Variants in AADAT observed in about 807,000 individuals in gnomAD.
The protein encoded by AADAT is kynurenine/alpha-aminoadipate aminotransferase, mitochondrial.
AADAT carries 25 observed loss-of-function variants against 56.2 expected under a neutral mutation model. That is an observed-to-expected ratio of 0.44 (90% CI 0.32 to 0.62). The LOEUF is 0.62. Among genes scored for constraint, AADAT ranks in the 20% least tolerant of loss-of-function variants. AADAT has a pLI of 0.04. For synonymous variants in AADAT, 173 were observed against 164.7 expected (o/e 1.05, Z -0.39); for missense variants, 387 against 510.5 (o/e 0.76, Z 2.33).
chr4:170,082,008 T>C (rs1449062108), intron 3 of AADAT, among the ~76,000 whole-genome samples: 1 of 152,118 alleles, frequency 6.6e-6, no homozygotes, highest in Non-Finnish European at 1.5e-5. Context: ...TTACGAGAAA[T>C]GCTAAAGGGA....
intron 2 of AADAT, among the ~76,000 whole-genome samples, chr4:170,087,971 A>G (rs1290908098): frequency 6.6e-6 from 1 of 150,542 alleles, no homozygotes; most frequent in East Asian, 2.0e-4. Context: ...AAGATCCAGG[A>G]TGCTTAAACT....
At chr4:170,094,071 AGTTGTACTGGTGAGACG>A (rs1732939715), upstream of AADAT, among the ~76,000 whole-genome samples, 2 of 152,116 alleles carry the variant, frequency 1.3e-5, 1 homozygote, top group South Asian at 4.1e-4. Flanking sequence ...CCTGTCCTGG[AGTTGTACTGGTGAGACG>A]GTTGGGGGTG....
Position 170,089,822 on chromosome 4 carries a change from G to C in AADAT, c.-132C>G. The stretch of plus-strand genomic sequence containing the variant: ...ACCGCGAGATGTGTCCCCCCGCTGC[G>C]TCTGGCTTCCCGCGCGCGGTGCCCG... On this transcript the variant is annotated 5_prime_UTR_variant, in exon 1 of 13. Coordinates refer to ENST00000337664, the MANE Select transcript of AADAT (RefSeq NM_016228.4). 1 of 917,608 alleles carries C rather than the reference G, an allele frequency of 1.1e-6. No individual in the cohort carries two copies. Among genetic ancestry groups the C allele is most frequent in the Non-Finnish European group, 1.7e-6 (1 of 596,432 alleles). 56.8% of individuals were successfully genotyped at this position (917,608 alleles called of 1,614,324 possible). A position where few individuals can be genotyped will look rare whatever the true frequency, so the allele number is the denominator to read the frequency against.
intron 10 of AADAT, among the ~76,000 whole-genome samples, chr4:170,065,123 C>A (rs903993444): frequency 6.6e-6 from 1 of 152,170 alleles, no homozygotes; most frequent in Non-Finnish European, 1.5e-5. Flanking sequence ...AGAAATCCCA[C>A]TCCTCTCTCC....
At chr4:170,077,074 T>C (rs1278429957) in intron 4 of AADAT, among the ~76,000 whole-genome samples, 1 of 152,220 alleles carries the variant, frequency 6.6e-6, no homozygotes. Context: ...ATTGTCTTTA[T>C]GCCAGTACCA....
upstream of AADAT, chr4:170,090,217 G>A (rs1732768819): frequency 6.6e-6 from 1 of 152,246 alleles, no homozygotes; most frequent in Admixed American, 6.5e-5. Flanking sequence ...GCTAGCCCAG[G>A]GGCTGACCGA....
At chr4:170,076,063 G>A (rs56938488) in intron 4 of AADAT, among the ~76,000 whole-genome samples, 2,533 of 152,186 alleles carry the variant, frequency 0.017, 78 homozygotes, top group African/African-American at 0.058. Context: ...TTGTATACAA[G>A]TATCTGTTTG....
intron 1 of AADAT, chr4:170,089,272 C>T: frequency 2.0e-6 from 1 of 500,254 alleles, no homozygotes; most frequent in Non-Finnish European, 3.8e-6. Context: ...TGGCCCTCTC[C>T]ACTGTACACC....
Position 170,062,088 on chromosome 4 carries a change from TAA to T in AADAT, c.1135-97_1135-96del, listed in dbSNP as rs533355016. On this transcript the variant is annotated intron_variant, in intron 11 of 12. Coordinates refer to ENST00000337664, the MANE Select transcript of AADAT (RefSeq NM_016228.4). ...AATCTCAGAGTAGGGAAGGATGTTT[TAA>T]GTTTAAAAGCAGTTAAAGAAATCAC... 1,873 of 750,904 alleles carry T rather than the reference TAA, an allele frequency of 2.5e-3. 9 individuals carry two copies. Among genetic ancestry groups the T allele is most frequent in the Non-Finnish European group, 2.7e-3 (1,293 of 486,268 alleles). 46.5% of individuals were successfully genotyped at this position (750,904 alleles called of 1,614,324 possible).
chr4:170,094,077 A>G (rs1462013205), upstream of AADAT, among the ~76,000 whole-genome samples: 1 of 152,190 alleles, frequency 6.6e-6, no homozygotes, highest in Non-Finnish European at 1.5e-5. Context: ...CTGGAGTTGT[A>G]CTGGTGAGAC....
At chr4:170,077,041 GTTCTA>G (rs1732071751) in intron 4 of AADAT, among the ~76,000 whole-genome samples, 1 of 152,176 alleles carries the variant, frequency 6.6e-6, no homozygotes, top group Non-Finnish European at 1.5e-5. Flanking sequence ...TGGATGCTCA[GTTCTA>G]TTCTATTGGT....
chr4:170,085,720 C>T (rs1313535724), intron 3 of AADAT, among the ~76,000 whole-genome samples: 1 of 152,106 alleles, frequency 6.6e-6, no homozygotes, highest in Admixed American at 6.5e-5. Flanking sequence ...CAAGCAAAGA[C>T]TCAAACACTA....
At position 170,087,111 on chromosome 4, in the gene AADAT, C is replaced by T. The variant is rs1732600298; in HGVS notation, c.369+5G>A. ...ATTTTGGCTGAGTTTTCCTTTCAGTCTTACCTTACAAAGACCTTGTTGGCT... is the reference window on the plus strand; with the variant it reads ...ATTTTGGCTGAGTTTTCCTTTCAGTTTTACCTTACAAAGACCTTGTTGGCT... On this transcript the variant is annotated splice_donor_5th_base_variant and intron_variant, in intron 3 of 12. Transcript: ENST00000337664. 1.2e-6 allele frequency: 2 copies of T among 1,613,674 alleles called. No individual in the cohort carries two copies. The highest frequency in any genetic ancestry group is 1.3e-5 in the African/African-American group (1 of 75,034).
intron 3 of AADAT, among the ~76,000 whole-genome samples, chr4:170,081,775 A>G (rs1360056415): frequency 6.6e-6 from 1 of 152,284 alleles, no homozygotes; most frequent in African/African-American, 2.4e-5. Context: ...CCTGGCCTCA[A>G]GCAATCTTCC....
intron 4 of AADAT, among the ~76,000 whole-genome samples, chr4:170,077,247 T>G (rs1271807964): frequency 6.6e-6 from 1 of 152,214 alleles, no homozygotes; most frequent in Non-Finnish European, 1.5e-5. Context: ...GGCATATCGA[T>G]AGGGATTGTA....
intron 11 of AADAT, among the ~76,000 whole-genome samples, chr4:170,063,214 C>T (rs1021091072): frequency 6.6e-6 from 1 of 152,080 alleles, no homozygotes; most frequent in Admixed American, 6.5e-5. Context: ...GTACTAGAAG[C>T]AAGGAGCTGA....
At chr4:170,073,841 C>T (rs1203296596) in intron 4 of AADAT, among the ~76,000 whole-genome samples, 1 of 152,182 alleles carries the variant, frequency 6.6e-6, no homozygotes, top group Non-Finnish European at 1.5e-5. Flanking sequence ...TGTCCCTTCC[C>T]AGAGAATTAT....
chr4:170,077,170 T>C (rs1732080670), intron 4 of AADAT, among the ~76,000 whole-genome samples: 1 of 152,218 alleles, frequency 6.6e-6, no homozygotes, highest in Non-Finnish European at 1.5e-5. Flanking sequence ...TTATTTTGGC[T>C]ATTTAGGTCC....
At chr4:170,066,674 G>C (rs1731478658) in intron 9 of AADAT, among the ~76,000 whole-genome samples, 196 bp from the exon 10 acceptor site, 1 of 152,016 alleles carries the variant, frequency 6.6e-6, no homozygotes, top group South Asian at 2.1e-4. Flanking sequence ...CTTCATTGTA[G>C]AATAATTACA....
Sources: gnomAD v4.1 joint callset for allele counts (sites outside exome capture counted in the v4.1 genomes callset) on GRCh38, gnomAD v4.1.1 for gene constraint, MANE v1.5 for transcripts, NCBI Gene and HGNC (gene_info 2026-07-23, HGNC 2026-07-21) for gene names.